The following ABI3BP variants were observed in gnomAD, a reference collection of about 807,000 sequenced individuals.
ABI3BP encodes target of Nesh-SH3.
Under a neutral mutation model 268.6 loss-of-function variants are expected in ABI3BP, and 216 were observed. The observed-to-expected ratio is 0.80, with a 90% CI of 0.72 to 0.90. The LOEUF is 0.90. ABI3BP is among the 40% of genes least tolerant of loss of function. The pLI, the probability that ABI3BP is intolerant of heterozygous loss-of-function variation, is 0.00. For missense variants in ABI3BP, 2,090 were observed against 2,182.4 expected (o/e 0.96, Z 0.84); for synonymous variants, 730 against 730.0 (o/e 1.00, Z 0.00).
chr3:100,866,339 T>A (rs182350453), intron 10 of ABI3BP, among the ~76,000 whole-genome samples: 63 of 152,302 alleles, frequency 4.1e-4, no homozygotes, highest in Non-Finnish European at 5.7e-4. Flanking sequence ...TTGTTAGTAA[T>A]GGTGACAAAC....
chr3:100,881,175 C>T (rs945970452), intron 6 of ABI3BP, among the ~76,000 whole-genome samples: 1 of 152,166 alleles, frequency 6.6e-6, no homozygotes, highest in African/African-American at 2.4e-5. Flanking sequence ...AGTTTGCCTA[C>T]ACAGAAATTT....
At chr3:100,800,784 C>T (rs993397631) in intron 51 of ABI3BP, among the ~76,000 whole-genome samples, 5 of 152,184 alleles carry the variant, frequency 3.3e-5, no homozygotes, top group African/African-American at 1.2e-4. Flanking sequence ...CAGCCTGGAG[C>T]ACTTTTTATA....
At chr3:100,963,287 C>G (rs2079844198) in intron 1 of ABI3BP, among the ~76,000 whole-genome samples, 1 of 152,142 alleles carries the variant, frequency 6.6e-6, no homozygotes, top group African/African-American at 2.4e-5. Context: ...TTCTCAATGA[C>G]TACATTTTTT....
chr3:100,890,720 C>A (rs536053483), intron 4 of ABI3BP, among the ~76,000 whole-genome samples: 47 of 152,054 alleles, frequency 3.1e-4, no homozygotes, highest in Non-Finnish European at 5.9e-4. Context: ...ACCTTATGAC[C>A]AAATTACTTA....
At chr3:100,856,681 A>AGTC (rs2153092504) in intron 14 of ABI3BP, among the ~76,000 whole-genome samples, 1 of 152,304 alleles carries the variant, frequency 6.6e-6, no homozygotes, top group African/African-American at 2.4e-5. Context: ...CTGGTACTCA[A>AGTC]TGATGGTCTT....
chr3:100,885,628 C>A, intron 5 of ABI3BP, 40 bp from the exon 6 acceptor site: 1 of 1,285,124 alleles, frequency 7.8e-7, no homozygotes, highest in Admixed American at 2.2e-5. Flanking sequence ...TTTTATTCTC[C>A]TTGCTCCTAA....
Position 100,902,346 on chromosome 3 carries a change from C to T in ABI3BP, c.328+272G>A, listed in dbSNP as rs143316348. Among the ~76,000 whole-genome samples the T allele has an allele frequency of 4.2e-3, 646 of 152,268 alleles. 3 individuals are homozygous for T. The highest frequency in any genetic ancestry group is 0.014 in the African/African-American group (599 of 41,546). On this transcript the variant is annotated intron_variant, in intron 3 of 67. Transcript: ENST00000471714. The stretch of plus-strand genomic sequence containing the variant: ...ACTCATTTAATCCTCAAGGACAACC[C>T]TATTATGCAGCAGAATCCAGGAGTA...
chr3:100,963,935 G>C (rs1480287653), intron 1 of ABI3BP, among the ~76,000 whole-genome samples: 4 of 152,246 alleles, frequency 2.6e-5, no homozygotes, highest in Non-Finnish European at 5.9e-5. Flanking sequence ...TCCCAGGCTA[G>C]AGATGGTTTC....
At position 100,828,378 on chromosome 3, in the gene ABI3BP, A is replaced by C; in HGVS notation, c.2602+15T>G. Reference sequence around the variant, plus strand: ...GCAGAAAAAGCACTTGCTGAAGATCAAAAAGTGGCATTACCGAATGTTGTC... The same window carrying C: ...GCAGAAAAAGCACTTGCTGAAGATCCAAAAGTGGCATTACCGAATGTTGTC... On this transcript the variant is annotated intron_variant, in intron 34 of 67. Transcript: ENST00000471714. 12 of 1,529,512 alleles carry C rather than the reference A, an allele frequency of 7.8e-6. No homozygotes were observed. Among genetic ancestry groups the C allele is most frequent in the Non-Finnish European group, 1.1e-5 (12 of 1,141,136 alleles). The allele number at this position is 1,529,512 out of a possible 1,614,324, so 94.7% of individuals were successfully genotyped here.
intron 2 of ABI3BP, among the ~76,000 whole-genome samples, chr3:100,904,199 T>C (rs191427212): frequency 6.6e-6 from 1 of 152,160 alleles, no homozygotes; most frequent in African/African-American, 2.4e-5. Context: ...AATTTGTAGA[T>C]GAGATAACTG....
At chr3:100,753,269 C>G (rs2095434469) in intron 65 of ABI3BP, among the ~76,000 whole-genome samples, 1 of 150,878 alleles carries the variant, frequency 6.6e-6, no homozygotes, top group Non-Finnish European at 1.5e-5. Flanking sequence ...TTTAATATGA[C>G]TTGTTATTAA....
At chr3:100,869,647 C>A (rs1011141759) in intron 9 of ABI3BP, among the ~76,000 whole-genome samples, 2 of 152,094 alleles carry the variant, frequency 1.3e-5, no homozygotes, top group African/African-American at 2.4e-5. Flanking sequence ...AGCCACTGCA[C>A]CAGGCCATAC....
chr3:100,921,112 C>T (rs536968329), intron 2 of ABI3BP, among the ~76,000 whole-genome samples: 28 of 152,258 alleles, frequency 1.8e-4, no homozygotes, highest in African/African-American at 6.5e-4. Flanking sequence ...AATGCACTCC[C>T]TTAGAGAAAT....
At chr3:100,987,373 T>A (rs2092084873) in intron 1 of ABI3BP, among the ~76,000 whole-genome samples, 1 of 152,224 alleles carries the variant, frequency 6.6e-6, no homozygotes, top group Admixed American at 6.5e-5. Context: ...CTGTGTCCCC[T>A]CTCTTTCTTG....
At position 100,820,256 on chromosome 3, in the gene ABI3BP, T is replaced by C; in HGVS notation, c.2995A>G (p.Thr999Ala). ...RTRRPRPKTK[T>A]TPSPEVPQTK... ...TGAGGAACCTCAGGACTTGGTGTGG[T>C]TTTAGTTTTGGGACGTGGACGACGA... The change falls in exon 40 of 68, where the codon ACC becomes GCC. Residue 999 changes from threonine (T) to alanine (A), a missense_variant. Thr to Ala is a moderately conservative substitution (Grantham distance 58). Coordinates refer to ENST00000471714, the MANE Select transcript of ABI3BP (RefSeq NM_001375547.2). 6.5e-7 allele frequency: 1 copy of C among 1,536,224 alleles called. No homozygotes were observed. Among genetic ancestry groups the C allele is most frequent in the Non-Finnish European group, 8.7e-7 (1 of 1,146,880 alleles).
chr3:100,982,839 T>G (rs146343039), intron 1 of ABI3BP, among the ~76,000 whole-genome samples: 1 of 151,980 alleles, frequency 6.6e-6, no homozygotes, highest in South Asian at 2.1e-4. Context: ...CTGGCCAGAG[T>G]GTCTTAACTT....
chr3:100,870,331 A>G (rs1480719143), intron 9 of ABI3BP, among the ~76,000 whole-genome samples: 2 of 152,188 alleles, frequency 1.3e-5, no homozygotes, highest in African/African-American at 4.8e-5. Context: ...GCGAAACAAA[A>G]TAACACAACC....
At chr3:100,856,098 C>T (rs1311491468) in intron 14 of ABI3BP, among the ~76,000 whole-genome samples, 1 of 152,200 alleles carries the variant, frequency 6.6e-6, no homozygotes. Flanking sequence ...TCGTTTTCTC[C>T]TCTTTTGAAC....
intron 10 of ABI3BP, among the ~76,000 whole-genome samples, chr3:100,866,558 T>C (rs2099052580): frequency 1.3e-5 from 2 of 152,314 alleles, no homozygotes; most frequent in African/African-American, 2.4e-5. Context: ...TGAAAAATGG[T>C]CTAATGTCAT....
Sources: gnomAD v4.1 joint callset for allele counts (sites outside exome capture counted in the v4.1 genomes callset) on GRCh38, gnomAD v4.1.1 for gene constraint, MANE v1.5 for transcripts, NCBI Gene and HGNC (gene_info 2026-07-23, HGNC 2026-07-21) for gene names.